ESPNL: variants seen among roughly 807,000 people sequenced by gnomAD.
The protein encoded by ESPNL is espin like.
A neutral mutation model predicts 46.8 loss-of-function variants in ESPNL; 49 were observed. The observed-to-expected ratio is 1.05, with a 90% confidence interval of 0.83 to 1.33. The LOEUF (loss-of-function observed/expected upper bound fraction) is 1.33, where lower values mean the gene tolerates loss of function less well. Among genes scored for constraint, ESPNL ranks in the 40% most tolerant of loss-of-function variants. The pLI is 0.00. For missense variants in ESPNL, 1,540 were observed against 1,436.6 expected, an observed-to-expected ratio of 1.07 and a Z score of -1.16; for synonymous variants, 664 against 662.1, an observed-to-expected ratio of 1.00 and a Z score of -0.04.
intron 6 of ESPNL, 62 bp downstream of exon 6, chr2:238,125,446 C>A: frequency 2.9e-6 from 3 of 1,033,136 alleles, no homozygotes; most frequent in Non-Finnish European, 4.0e-6. Flanking sequence ...TGCCACTGGC[C>A]TCCCCTCCGA....
intron 5 of ESPNL, among the ~76,000 whole-genome samples, chr2:238,120,832 A>G (rs180771032): frequency 5.9e-5 from 9 of 152,302 alleles, no homozygotes; most frequent in Non-Finnish European, 1.0e-4. Flanking sequence ...TGCAATATTG[A>G]TGGGAATGCA....
intron 7 of ESPNL, among the ~76,000 whole-genome samples, chr2:238,127,936 C>T (rs1296211620): frequency 7.9e-5 from 12 of 152,118 alleles, no homozygotes; most frequent in Admixed American, 7.8e-4. Flanking sequence ...GGCAGCTGTC[C>T]CCCCCACCAC....
At chr2:238,120,775 G>T (rs1691970815) in intron 5 of ESPNL, among the ~76,000 whole-genome samples, 2 of 152,278 alleles carry the variant, frequency 1.3e-5, no homozygotes, top group Non-Finnish European at 2.9e-5. Flanking sequence ...AGGCCTCTGA[G>T]GGAGGGCAGG....
At chr2:238,107,636 G>A (rs372225950) in intron 3 of ESPNL, among the ~76,000 whole-genome samples, 155 bp from the exon 4 acceptor site, 3 of 152,192 alleles carry the variant, frequency 2.0e-5, no homozygotes, top group African/African-American at 2.4e-5. Flanking sequence ...GGGGACGCAC[G>A]TGCTCAGCCA....
At position 238,131,273 on chromosome 2, in the gene ESPNL, C is replaced by T; in HGVS notation, c.2559C>T (p.Leu853=). ...GGGCTCCGGTGCCCTACAGCAGCCT[C>T]TCACTGGATCTCTTCATGCTGGGTT... ...VDGAPVPYSS[L]SLDLFMLGYF... Residue 853 remains leucine (L), a synonymous_variant, in exon 9 of 9, where the codon CTC becomes CTT. Coordinates refer to ENST00000343063, the MANE Select transcript of ESPNL (RefSeq NM_194312.4). 1 of 1,578,988 alleles carries T rather than the reference C, an allele frequency of 6.3e-7. No homozygotes were observed. The highest frequency in any genetic ancestry group is 8.6e-7 in the Non-Finnish European group (1 of 1,164,294).
At chr2:238,113,425 T>G (rs189754294) in intron 4 of ESPNL, among the ~76,000 whole-genome samples, 4 of 152,362 alleles carry the variant, frequency 2.6e-5, no homozygotes, top group African/African-American at 7.2e-5. Context: ...TTTTTCTTTA[T>G]TTAAAAGTAG....
At chr2:238,122,901 G>C (rs1692019429) in intron 5 of ESPNL, among the ~76,000 whole-genome samples, 1 of 152,244 alleles carries the variant, frequency 6.6e-6, no homozygotes, top group African/African-American at 2.4e-5. Flanking sequence ...GTCTGGTCTG[G>C]AGTCTGACTC....
At position 238,100,684 on chromosome 2, in the gene ESPNL, C is replaced by A. The variant is rs1314362278; in HGVS notation, c.265C>A (p.Leu89Met). The A allele has an allele frequency of 7.0e-7, 1 of 1,437,740 alleles. No homozygotes were observed. Among genetic ancestry groups the A allele is most frequent in the Non-Finnish European group, 9.0e-7 (1 of 1,105,200 alleles). The allele number at this position is 1,437,740 out of a possible 1,614,324, so 89.1% of individuals were successfully genotyped here. ...GGGCAGCCTGGCCGAGCTGTGCTGG[C>A]TGGTCCGCGAGGGGGGCTGCGGTCT... ...ATGSLAELCW[L>M]VREGGCGLQD... is the part of the protein sequence containing the mutation. Residue 89 changes from leucine to methionine, a missense_variant, in exon 1 of 9, where the codon CTG (leucine) becomes ATG (methionine). Transcript: ENST00000343063.
At chr2:238,101,112 T>A (rs2121405) in intron 1 of ESPNL, among the ~76,000 whole-genome samples, 1 of 151,994 alleles carries the variant, frequency 6.6e-6, no homozygotes, top group Non-Finnish European at 1.5e-5. Context: ...GGACGGGAGT[T>A]AGGGCTGCTG....
chr2:238,115,465 A>G (rs1447228826), intron 4 of ESPNL, among the ~76,000 whole-genome samples: 1 of 152,206 alleles, frequency 6.6e-6, no homozygotes, highest in Non-Finnish European at 1.5e-5. Context: ...CCAGCAAGTC[A>G]CAGAGCCAGA....
intron 5 of ESPNL, among the ~76,000 whole-genome samples, chr2:238,118,306 G>T (rs1386819265): frequency 5.7e-5 from 8 of 139,550 alleles, no homozygotes; most frequent in African/African-American, 2.1e-4. Flanking sequence ...ATGGAGGAGG[G>T]TAGATGGAGG....
At position 238,100,686 on chromosome 2, in the gene ESPNL, G is replaced by T. The variant is rs764523974; in HGVS notation, c.267G>T (p.Leu89=). 7.0e-7 allele frequency: 1 copy of T among 1,433,712 alleles called. No homozygotes were observed. Among genetic ancestry groups the T allele is most frequent in the Non-Finnish European group, 9.1e-7 (1 of 1,103,422 alleles). 88.8% of individuals were successfully genotyped at this position (1,433,712 alleles called of 1,614,324 possible). A position where few individuals can be genotyped will look rare whatever the true frequency, so the allele number is the denominator to read the frequency against. ...ATGSLAELCW[L]VREGGCGLQD... is the part of the protein sequence containing the mutation. ...GCAGCCTGGCCGAGCTGTGCTGGCTGGTCCGCGAGGGGGGCTGCGGTCTGC... is the reference window on the plus strand; with the variant it reads ...GCAGCCTGGCCGAGCTGTGCTGGCTTGTCCGCGAGGGGGGCTGCGGTCTGC... Residue 89 remains leucine, a synonymous_variant, in exon 1 of 9, where the codon CTG becomes CTT. Transcript: ENST00000343063.
In ESPNL at chr2:238,122,182, C is replaced by A. The variant is rs989986480; in HGVS notation, c.988-3088C>A. 5.3e-5 allele frequency among the ~76,000 whole-genome samples: 8 copies of A among 152,360 alleles called. No homozygotes were observed. The East Asian group carries it at 1.4e-3, about 26-fold the overall frequency. On this transcript the variant is annotated intron_variant, in intron 5 of 8. Transcript: ENST00000343063. Reference sequence around the variant, plus strand: ...ACATGTCTAAATGTTAAGACCCCAACGGACAGGACCCTGACATCTGCGCCT... The same window carrying A: ...ACATGTCTAAATGTTAAGACCCCAAAGGACAGGACCCTGACATCTGCGCCT...
chr2:238,131,142 A>T lies in ESPNL; in HGVS notation c.2428A>T (p.Asn810Tyr). ...QRSTITHLLG[N>Y]WKAIMAHVPA... ...CAGCACCATCACCCACCTGCTGGGC[A>T]ACTGGAAGGCCATCATGGCTCACGT... The change falls in exon 9 of 9, where the codon AAC becomes TAC. Residue 810 changes from asparagine to tyrosine, a missense_variant. Transcript: ENST00000343063. 1 of 1,546,182 alleles carries T rather than the reference A, an allele frequency of 6.5e-7. No individual in the cohort carries two copies. The highest frequency in any genetic ancestry group is 8.7e-7 in the Non-Finnish European group (1 of 1,147,038).
intron 8 of ESPNL, 74 bp from the exon 9 acceptor site, chr2:238,130,054 G>A: frequency 2.0e-6 from 3 of 1,516,240 alleles, no homozygotes; most frequent in Non-Finnish European, 2.7e-6. Flanking sequence ...TGAGAACTCA[G>A]GGACTTGGAA....
At chr2:238,111,856 T>C (rs4663290) in intron 4 of ESPNL, among the ~76,000 whole-genome samples, 128,706 of 152,180 alleles carry the variant, frequency 0.85, 54,549 homozygotes, top group African/African-American at 0.86. Flanking sequence ...CAACCTTTCA[T>C]TCCTGGAATA....
chr2:238,120,506 C>T (rs35665512), intron 5 of ESPNL, among the ~76,000 whole-genome samples: 2,151 of 152,382 alleles, frequency 0.014, 48 homozygotes, highest in African/African-American at 0.048. Context: ...CCCCAGACCC[C>T]GTGGTAGTGG....
chr2:238,126,214 GAT>G (rs367970142), intron 6 of ESPNL, among the ~76,000 whole-genome samples: 1 of 47,206 alleles, frequency 2.1e-5, no homozygotes, highest in Non-Finnish European at 4.7e-5. Flanking sequence ...GTCTCTCTGT[GAT>G]TGTGTCTGTG....
At position 238,107,963 on chromosome 2, in the gene ESPNL, G is replaced by A. The variant is rs767491023; in HGVS notation, c.845G>A (p.Gly282Glu). Reference sequence around the variant, plus strand: ...CCCCTCCACGACGCAGCAGAGAACGGGCAGATGGAGGTAAGGTGGGCGTGA... The same window carrying A: ...CCCCTCCACGACGCAGCAGAGAACGAGCAGATGGAGGTAAGGTGGGCGTGA... Reference protein sequence around the residue: ...GTPLHDAAENGQMECCQTLVS... With the variant: ...GTPLHDAAENEQMECCQTLVS... Residue 282 changes from glycine to glutamate, a missense_variant, in exon 4 of 9, where the codon GGG becomes GAG. Transcript: ENST00000343063. The A allele has an allele frequency of 1.6e-5, 26 of 1,611,442 alleles. No homozygotes were observed. The highest frequency in any genetic ancestry group is 2.0e-5 in the Non-Finnish European group (24 of 1,178,916).
Sources: allele counts gnomAD v4.1 joint callset (sites outside exome capture counted in the v4.1 genomes callset), GRCh38; gene constraint gnomAD v4.1.1; transcripts MANE v1.5; gene names NCBI Gene and HGNC (gene_info 2026-07-23, HGNC 2026-07-21).